Variants in IQCN observed in about 807,000 individuals in gnomAD.
IQCN encodes IQ motif containing N.
A neutral mutation model predicts 64.4 loss-of-function variants in IQCN; 46 were observed. The ratio of observed to expected loss-of-function variants is 0.71; its 90% CI spans 0.56 to 0.91. The LOEUF (loss-of-function observed/expected upper bound fraction) is 0.91, where lower values mean the gene tolerates loss of function less well. IQCN is among the 40% of genes least tolerant of loss of function. The pLI is 0.00. For synonymous variants in IQCN, 733 were observed against 775.6 expected (o/e 0.95, Z 0.91); for missense variants, 1,753 against 1,857.4 (o/e 0.94, Z 1.03).
rs1177874298 is a variant in IQCN, at chr19:18,257,235, AAG to A, written c.4047_4048del (p.Leu1350GlyfsTer38). 1.9e-6 allele frequency: 3 copies of A among 1,613,726 alleles called. No homozygotes were observed. Among genetic ancestry groups the A allele is most frequent in the Middle Eastern group, 1.6e-4 (1 of 6,062 alleles). ...GCTGGCCGAGGGGTCTGCTGGTCCC[AAG>A]AGCGCCTCTGTGTTCTTCAGACAGC... On this transcript the variant is annotated frameshift_variant, in exon 4 of 4. Coordinates refer to ENST00000392413, the MANE Select transcript of IQCN (RefSeq NM_001145304.2). LOFTEE classifies it low-confidence loss of function (END_TRUNC).
rs893155478 is a variant in IQCN, at chr19:18,262,978, C to T, written c.3177+1385G>A. Among the ~76,000 whole-genome samples the T allele has an allele frequency of 2.0e-5, 3 of 152,298 alleles. No homozygotes were observed. The South Asian group carries it at 6.2e-4, about 32-fold the overall frequency. On this transcript the variant is annotated intron_variant, in intron 3 of 3. Transcript: ENST00000392413. Reference sequence around the variant, plus strand: ...AAGGAGAACTTGTGGATCTCAGCCTCTGAGCCCCAGTGAACACGCAAGGTC... The same window carrying T: ...AAGGAGAACTTGTGGATCTCAGCCTTTGAGCCCCAGTGAACACGCAAGGTC...
chr19:18,273,842 GAGA>G (rs889863058), intron 1 of IQCN, among the ~76,000 whole-genome samples: 5 of 152,298 alleles, frequency 3.3e-5, no homozygotes, highest in African/African-American at 4.8e-5. Context: ...TGTGGGGGAT[GAGA>G]AGAAGGAACA....
Position 18,265,394 on chromosome 19 carries a change from T to A in IQCN, c.2146A>T (p.Met716Leu), listed in dbSNP as rs773068205. ...LAHLDTCLSK[M>L]HSQTHLATGA... ...GTGGCCAGATGTGTCTGGGAATGCA[T>A]CTTGCTCAGACAGGTGTCCAGATGG... The change falls in exon 3 of 4, where the codon ATG (methionine) becomes TTG (leucine). Residue 716 changes from methionine (M) to leucine (L), a missense_variant. Met to Leu is a conservative substitution (Grantham distance 15). Coordinates refer to ENST00000392413, the MANE Select transcript of IQCN (RefSeq NM_001145304.2). The surrounding 1 kb of genome is among the most constrained non-coding windows in gnomAD (Gnocchi z 4.7). 1.2e-6 allele frequency: 2 copies of A among 1,614,140 alleles called. No homozygotes were observed. Among genetic ancestry groups the A allele is most frequent in the Non-Finnish European group, 1.7e-6 (2 of 1,180,002 alleles).
intron 2 of IQCN, among the ~76,000 whole-genome samples, chr19:18,268,799 T>G (rs1200240097): frequency 4.0e-5 from 6 of 151,600 alleles, no homozygotes; most frequent in Non-Finnish European, 7.4e-5. Context: ...CCATCTCTAC[T>G]GAAAATACAA....
chr19:18,266,164 G>A lies in IQCN; in HGVS notation c.1376C>T (p.Pro459Leu), dbSNP rs766759094. Residue 459 changes from proline to leucine, a missense_variant, in exon 3 of 4, where the codon CCG (proline) becomes CTG (leucine). By Grantham distance (98) the Pro-to-Leu change is moderately conservative. Transcript: ENST00000392413. The surrounding 1 kb of genome is among the most constrained non-coding windows in gnomAD (Gnocchi z 4.3). ...TGGGTTTTTGGCTGGGGTGGTGACC[G>A]GGTGCATCTGGGGTGGGGTCTTTGC... The part of the protein sequence containing the change: ...AMAKTPPQMH[P>L]VTTPAKNPLQ... 5.6e-6 allele frequency: 9 copies of A among 1,614,000 alleles called. No homozygotes were observed. Among genetic ancestry groups the A allele is most frequent in the South Asian group, 4.4e-5 (4 of 91,088 alleles).
At chr19:18,272,938 T>G (rs1185966223) in intron 1 of IQCN, among the ~76,000 whole-genome samples, 1 of 151,938 alleles carries the variant, frequency 6.6e-6, no homozygotes, top group Non-Finnish European at 1.5e-5. Flanking sequence ...AAACAAGACA[T>G]AACGAAAGAA....
rs561215701 is a variant in IQCN, at chr19:18,264,464, C to T, written c.3076G>A (p.Gly1026Arg). The T allele has an allele frequency of 1.4e-5, 21 of 1,551,404 alleles. No homozygotes were observed. Among genetic ancestry groups the T allele is most frequent in the African/African-American group, 2.7e-5 (2 of 73,156 alleles). The part of the protein sequence containing the change: ...PKAASKSTGS[G>R]VTKTPALVKV... ...ACCAGGGCCGGCGTCTTAGTCACCC[C>T]GCTTCCTGTTGATTTCGAGGCGGCC... The change falls in exon 3 of 4, where the codon GGG becomes AGG. Residue 1026 changes from glycine (G) to arginine (R), a missense_variant. Coordinates refer to ENST00000392413, the MANE Select transcript of IQCN (RefSeq NM_001145304.2). This position sits in a 1 kb window ranked among gnomAD's most constrained non-coding sequence, Gnocchi z 4.3.
At position 18,257,418 on chromosome 19, in the gene IQCN, A is replaced by T; in HGVS notation, c.3866T>A (p.Leu1289Gln). 1 of 1,610,284 alleles carries T rather than the reference A, an allele frequency of 6.2e-7. No homozygotes were observed. The highest frequency in any genetic ancestry group is 8.5e-7 in the Non-Finnish European group (1 of 1,179,458). ...CGGCTGCCTGGGACTCAGGGCAGCC[A>T]GCTGGTAGGCGGAGGCCCAAGACAC... is the stretch of plus-strand genomic sequence containing the variant. The part of the protein sequence containing the change: ...GAVSWASAYQ[L>Q]AALSPRQPHR... The change falls in exon 4 of 4, where the codon CTG becomes CAG. Residue 1289 changes from leucine (L) to glutamine (Q), a missense_variant. Transcript: ENST00000392413.
chr19:18,269,365 C>T, intron 2 of IQCN, 101 bp downstream of exon 2: 3 of 1,222,470 alleles, frequency 2.5e-6, no homozygotes, highest in Non-Finnish European at 3.6e-6. Context: ...ACTGTCAAGC[C>T]ACCCTGATGC....
intron 3 of IQCN, chr19:18,259,946 A>T (rs1555699196): frequency 6.6e-6 from 1 of 152,328 alleles, no homozygotes; most frequent in Non-Finnish European, 1.5e-5. Context: ...GGCCCATGCC[A>T]GTTGCTATGG....
rs2148101285 is a variant in IQCN, at chr19:18,264,880, A to C, written c.2660T>G (p.Val887Gly). 1 of 1,612,610 alleles carries C rather than the reference A, an allele frequency of 6.2e-7. No homozygotes were observed. The change falls in exon 3 of 4, where the codon GTG (valine) becomes GGG (glycine). Residue 887 changes from valine to glycine, a missense_variant. Physicochemically the swap from Val to Gly is moderately radical, Grantham distance 109. Transcript: ENST00000392413. This position sits in a 1 kb window ranked among gnomAD's most constrained non-coding sequence, Gnocchi z 4.3. The part of the protein sequence containing the change: ...LASLCAEVAG[V>G]LASQEDLRTL... The stretch of plus-strand genomic sequence containing the variant: ...GCGGAGATCCTCCTGGGATGCCAGC[A>C]CACCAGCTACTTCAGCACACAAGGA...
Position 18,266,349 on chromosome 19 carries a change from C to T in IQCN, c.1191G>A (p.Met397Ile). The T allele has an allele frequency of 1.2e-6, 2 of 1,612,188 alleles. No homozygotes were observed. Among genetic ancestry groups the T allele is most frequent in the African/African-American group, 2.7e-5 (2 of 74,712 alleles). The change falls in exon 3 of 4, where the codon ATG (methionine) becomes ATA (isoleucine). Residue 397 changes from methionine (M) to isoleucine (I), a missense_variant. By Grantham distance (10) the Met-to-Ile change is conservative. Coordinates refer to ENST00000392413, the MANE Select transcript of IQCN (RefSeq NM_001145304.2). The surrounding 1 kb of genome is among the most constrained non-coding windows in gnomAD (Gnocchi z 4.3). ...GTACCTGGATCTTGGTCATTGTGGG[C>T]ATGGGGCATGTGTGAGGTGCAGTTT... is the stretch of plus-strand genomic sequence containing the variant. ...VTKTAPHTCPMPTMTKIQVHP... is the reference protein window; with the variant it reads ...VTKTAPHTCPIPTMTKIQVHP...
rs745899848 is a variant in IQCN, at chr19:18,265,918, G to C, written c.1622C>G (p.Pro541Arg). 1.1e-5 allele frequency: 18 copies of C among 1,614,088 alleles called. No individual in the cohort carries two copies. The highest frequency in any genetic ancestry group is 1.4e-5 in the Non-Finnish European group (17 of 1,180,044). ...CTCATGGATGGAGCCTGAGGTGTTG[G>C]GAGTTCCGGCTGCTACCGCCACTTG... ...PPQVAVAAGT[P>R]NTSGSIHENP... The change falls in exon 3 of 4, where the codon CCC becomes CGC. Residue 541 changes from proline to arginine, a missense_variant. Physicochemically the swap from Pro to Arg is moderately radical, Grantham distance 103. Coordinates refer to ENST00000392413, the MANE Select transcript of IQCN (RefSeq NM_001145304.2). The surrounding 1 kb of genome is among the most constrained non-coding windows in gnomAD (Gnocchi z 4.7).
chr19:18,265,006 T>G lies in IQCN; in HGVS notation c.2534A>C (p.Asn845Thr). ...PMAPTGHSTCNVESWGDNGAT... is the reference protein window; with the variant it reads ...PMAPTGHSTCTVESWGDNGAT... ...TCCGTTGTCTCCCCAGGACTCAACG[T>G]TGCATGTGGAATGGCCGGTGGGTGC... The change falls in exon 3 of 4, where the codon AAC becomes ACC. Residue 845 changes from asparagine to threonine, a missense_variant. Asn to Thr is a moderately conservative substitution (Grantham distance 65). Transcript: ENST00000392413. This position sits in a 1 kb window ranked among gnomAD's most constrained non-coding sequence, Gnocchi z 4.7. 1.2e-6 allele frequency: 2 copies of G among 1,604,440 alleles called. No homozygotes were observed. The highest frequency in any genetic ancestry group is 8.5e-7 in the Non-Finnish European group (1 of 1,179,816).
At chr19:18,273,156 C>T (rs1208041935) in intron 1 of IQCN, among the ~76,000 whole-genome samples, 4 of 151,680 alleles carry the variant, frequency 2.6e-5, no homozygotes, top group African/African-American at 9.7e-5. Context: ...CTCAGCCTCC[C>T]GAGTAGCTGG....
chr19:18,264,893 C>T lies in IQCN; in HGVS notation c.2647G>A (p.Glu883Lys). The change falls in exon 3 of 4, where the codon GAA (glutamate) becomes AAA (lysine). Residue 883 changes from glutamate to lysine, a missense_variant. By Grantham distance (56) the Glu-to-Lys change is moderately conservative. Coordinates refer to ENST00000392413, the MANE Select transcript of IQCN (RefSeq NM_001145304.2). The surrounding 1 kb of genome is among the most constrained non-coding windows in gnomAD (Gnocchi z 4.3). Reference protein sequence around the residue: ...VGSLLASLCAEVAGVLASQED... With the variant: ...VGSLLASLCAKVAGVLASQED... ...TGGGATGCCAGCACACCAGCTACTT[C>T]AGCACACAAGGAGGCCAGCAGGGAG... is the stretch of plus-strand genomic sequence containing the variant. 2 of 1,613,272 alleles carry T rather than the reference C, an allele frequency of 1.2e-6. No homozygotes were observed. The highest frequency in any genetic ancestry group is 1.7e-6 in the Non-Finnish European group (2 of 1,179,878).
In IQCN at chr19:18,265,082, C is replaced by T. The variant is rs760480540; in HGVS notation, c.2458G>A (p.Gly820Arg). The stretch of plus-strand genomic sequence containing the variant: ...ACCTCACAGGCTGCCGGGCATGGTC[C>T]CCCCTGAGTGGTCTTCCCCGGCACG... ...GHVPGKTTQGGPCPAACEVQG... is the reference protein window; with the variant it reads ...GHVPGKTTQGRPCPAACEVQG... Residue 820 changes from glycine to arginine, a missense_variant, in exon 3 of 4, where the codon GGA becomes AGA. Physicochemically the swap from Gly to Arg is moderately radical, Grantham distance 125. Transcript: ENST00000392413. This position sits in a 1 kb window ranked among gnomAD's most constrained non-coding sequence, Gnocchi z 4.7. 1.9e-6 allele frequency: 3 copies of T among 1,601,806 alleles called. No individual in the cohort carries two copies. The highest frequency in any genetic ancestry group is 1.1e-5 in the South Asian group (1 of 91,072).
chr19:18,268,174 CTGTGTGTGTGTG>C (rs71336668), intron 2 of IQCN, among the ~76,000 whole-genome samples: 1,380 of 134,494 alleles, frequency 0.01, 3 homozygotes, highest in Non-Finnish European at 0.016. Context: ...CTGTTTGCCT[CTGTGTGTGTGTG>C]TGTGTGTGTG....
In IQCN at chr19:18,264,836, G is replaced by C. The variant is rs1478387229; in HGVS notation, c.2704C>G (p.Leu902Val). ...EDLRTLLAKA[L>V]SQGEVWAALN... ...GCTGCCCAGACTTCTCCCTGGGAGA[G>C]GGCTTTGGCCAACAGAGTGCGGAGA... The change falls in exon 3 of 4, where the codon CTC becomes GTC. Residue 902 changes from leucine (L) to valine (V), a missense_variant. Transcript: ENST00000392413. This position sits in a 1 kb window ranked among gnomAD's most constrained non-coding sequence, Gnocchi z 4.3. 6.3e-7 allele frequency: 1 copy of C among 1,579,808 alleles called. No homozygotes were observed. The highest frequency in any genetic ancestry group is 1.9e-5 in the Admixed American group (1 of 53,998).
Sources: allele counts gnomAD v4.1 joint callset (sites outside exome capture counted in the v4.1 genomes callset), GRCh38; gene constraint gnomAD v4.1.1; non-coding constraint Gnocchi (gnomAD v3.1); transcripts MANE v1.5; gene names NCBI Gene and HGNC (gene_info 2026-07-23, HGNC 2026-07-21).